BNC2: variants seen among roughly 807,000 people sequenced by gnomAD.
BNC2 encodes the protein basonuclin zinc finger protein 2.
Under a neutral mutation model 76.3 loss-of-function variants are expected in BNC2, and 20 were observed. The ratio of observed to expected loss-of-function variants is 0.26; its 90% CI spans 0.18 to 0.38. The LOEUF is 0.38. Ranked by LOEUF, BNC2 falls within the 10% of genes least tolerant of loss-of-function variation. BNC2 has a pLI of 1.00. For synonymous variants in BNC2, 582 were observed against 514.8 expected (o/e 1.13, Z -1.77); for missense variants, 1,382 against 1,399.8 (o/e 0.99, Z 0.20).
At chr9:16,864,880 G>A (rs1819503093) in intron 1 of BNC2, among the ~76,000 whole-genome samples, 1 of 151,980 alleles carries the variant, frequency 6.6e-6, no homozygotes. Context: ...GTTGACAAGA[G>A]GTACAATAAA....
chr9:16,861,069 C>T (rs1274121053), intron 1 of BNC2, among the ~76,000 whole-genome samples: 1 of 150,444 alleles, frequency 6.6e-6, no homozygotes, highest in Non-Finnish European at 1.5e-5. Context: ...CGCACAGTCA[C>T]AGTGGCTTAT....
chr9:16,553,417 G>A (rs571187942), intron 4 of BNC2, among the ~76,000 whole-genome samples: 2 of 152,164 alleles, frequency 1.3e-5, no homozygotes, highest in African/African-American at 4.8e-5. Context: ...TTAGTCACCT[G>A]TTAGATAGCT....
At chr9:16,632,729 C>G (rs1016857484) in intron 3 of BNC2, among the ~76,000 whole-genome samples, 3 of 152,140 alleles carry the variant, frequency 2.0e-5, no homozygotes, top group Admixed American at 6.5e-5. Context: ...GACACCCATC[C>G]CAAGGTCTAA....
At chr9:16,586,596 T>C (rs902706248) in intron 3 of BNC2, among the ~76,000 whole-genome samples, 1 of 31,548 alleles carries the variant, frequency 3.2e-5, no homozygotes, top group South Asian at 1.1e-3. Context: ...CATCAACTGC[T>C]CTCTCCTCTC....
intron 5 of BNC2, among the ~76,000 whole-genome samples, chr9:16,514,690 A>G (rs1378193280): frequency 6.6e-6 from 1 of 152,158 alleles, no homozygotes; most frequent in African/African-American, 2.4e-5. Context: ...TTGAATTGTA[A>G]TAATAACATT....
At chr9:16,509,674 T>C (rs545674457) in intron 5 of BNC2, among the ~76,000 whole-genome samples, 1 of 152,310 alleles carries the variant, frequency 6.6e-6, no homozygotes, top group East Asian at 1.9e-4. Flanking sequence ...CATACCAAAG[T>C]ATAAGGTTCC....
intron 5 of BNC2, among the ~76,000 whole-genome samples, chr9:16,496,128 C>CT (rs1253568677): frequency 6.6e-6 from 1 of 151,948 alleles, no homozygotes; most frequent in Admixed American, 6.6e-5. Context: ...AGGCTGGTCT[C>CT]TAACTCCTGA....
At chr9:16,496,620 A>C (rs1221665898) in intron 5 of BNC2, among the ~76,000 whole-genome samples, 1 of 152,226 alleles carries the variant, frequency 6.6e-6, no homozygotes, top group Non-Finnish European at 1.5e-5. Context: ...TGATTAAGCA[A>C]TGCTCTGCAG....
chr9:16,752,273 G>C (rs533144081), intron 1 of BNC2, among the ~76,000 whole-genome samples: 11 of 152,108 alleles, frequency 7.2e-5, no homozygotes, highest in Non-Finnish European at 1.2e-4. Flanking sequence ...AAAAATTAAA[G>C]GCTACAATAT....
intron 3 of BNC2, among the ~76,000 whole-genome samples, chr9:16,665,488 A>AAGAAAGAAAGAG (rs1370606458): frequency 2.6e-4 from 35 of 135,604 alleles, no homozygotes; most frequent in African/African-American, 8.7e-4. Context: ...GAAAGAAAGA[A>AAGAAAGAAAGAG]AGAGAGAGAG....
At position 16,793,648 on chromosome 9, in the gene BNC2, C is replaced by CTTTTTTTTTTTTTTTTTT. The variant is rs71327860; in HGVS notation, c.4-55181_4-55164dup. Among the ~76,000 whole-genome samples the CTTTTTTTTTTTTTTTTTT allele has an allele frequency of 5.4e-5, 3 of 55,778 alleles. 1 individual carries two copies. Among genetic ancestry groups the CTTTTTTTTTTTTTTTTTT allele is most frequent in the African/African-American group, 1.7e-4 (3 of 18,134 alleles). The allele number at this position is 55,778 out of a possible 152,430, so 36.6% of individuals were successfully genotyped here. ...CCAAAGGGGTACTTGCCTTCCACAT[C>CTTTTTTTTTTTTTTTTTT]TTTTTTTTTTTTTTTTTTTTTTTTT... On this transcript the variant is annotated intron_variant, in intron 1 of 6. Coordinates refer to ENST00000380672, the MANE Select transcript of BNC2 (RefSeq NM_017637.6).
chr9:16,661,775 A>C (rs1159147737), intron 3 of BNC2, among the ~76,000 whole-genome samples: 3 of 152,236 alleles, frequency 2.0e-5, no homozygotes, highest in Admixed American at 2.0e-4. Flanking sequence ...TTTAATGTCC[A>C]TGTAAATACA....
intron 3 of BNC2, among the ~76,000 whole-genome samples, chr9:16,685,388 A>C (rs989319695): frequency 6.6e-6 from 1 of 152,236 alleles, no homozygotes; most frequent in Non-Finnish European, 1.5e-5. Flanking sequence ...ACGCATCCTG[A>C]AAAGGACCTA....
intron 5 of BNC2, among the ~76,000 whole-genome samples, chr9:16,508,205 C>T (rs930729558): frequency 3.3e-5 from 5 of 152,200 alleles, no homozygotes; most frequent in South Asian, 2.1e-4. Context: ...CTGCTATAAA[C>T]CCTAAAAGGA....
chr9:16,676,381 G>A (rs1587304290), intron 3 of BNC2, among the ~76,000 whole-genome samples: 1 of 152,256 alleles, frequency 6.6e-6, no homozygotes, highest in Non-Finnish European at 1.5e-5. Context: ...TTCTATTTAA[G>A]CCAAGAATTA....
chr9:16,533,757 T>C (rs999345557), intron 5 of BNC2, among the ~76,000 whole-genome samples: 3 of 152,132 alleles, frequency 2.0e-5, no homozygotes, highest in South Asian at 2.1e-4. Context: ...GGAAGCACAA[T>C]GTAACTAAAT....
intron 3 of BNC2, among the ~76,000 whole-genome samples, chr9:16,644,807 T>A (rs1489998916): frequency 6.6e-6 from 1 of 152,242 alleles, no homozygotes; most frequent in Non-Finnish European, 1.5e-5. Context: ...GAGTAGCTGC[T>A]GCCTTGTGCA....
chr9:16,783,391 G>T (rs1369905882), intron 1 of BNC2, among the ~76,000 whole-genome samples: 1 of 151,984 alleles, frequency 6.6e-6, no homozygotes, highest in African/African-American at 2.4e-5. Flanking sequence ...TGATTTCCAG[G>T]ACAAAAATGT....
At chr9:16,432,119 AT>A in intron 6 of BNC2, among the ~76,000 whole-genome samples, 1 of 152,296 alleles carries the variant, frequency 6.6e-6, no homozygotes, top group African/African-American at 2.4e-5. Flanking sequence ...GATGAATCAG[AT>A]TTTGTGTGTA....
Sources: gnomAD v4.1 joint callset for allele counts (sites outside exome capture counted in the v4.1 genomes callset) on GRCh38, gnomAD v4.1.1 for gene constraint, MANE v1.5 for transcripts, NCBI Gene and HGNC (gene_info 2026-07-23, HGNC 2026-07-21) for gene names.